FBXW7: variants seen among roughly 807,000 people sequenced by gnomAD.
FBXW7 encodes the protein F-box/WD repeat-containing protein 7.
Under a neutral mutation model 86.3 loss-of-function variants are expected in FBXW7, and 11 were observed. That is an observed-to-expected ratio of 0.13 (90% CI 0.08 to 0.21). The LOEUF is 0.21. FBXW7 is among the 10% of genes least tolerant of loss of function. The probability of loss-of-function intolerance (pLI) is 1.00; values close to 1 mark genes in which losing one functional copy is unlikely to be tolerated. For missense variants in FBXW7, 488 were observed against 847.4 expected (o/e 0.58, Z 5.27); for synonymous variants, 313 against 297.9 (o/e 1.05, Z -0.52).
intron 4 of FBXW7, among the ~76,000 whole-genome samples, chr4:152,380,581 C>T (rs1329837763): frequency 6.6e-6 from 1 of 151,704 alleles, no homozygotes; most frequent in African/African-American, 2.4e-5. Context: ...TAAATAGTGA[C>T]CCCAGAAAGC....
At chr4:152,519,418 A>T (rs1560994177) in intron 2 of FBXW7, among the ~76,000 whole-genome samples, 1 of 152,236 alleles carries the variant, frequency 6.6e-6, no homozygotes, top group Non-Finnish European at 1.5e-5. Flanking sequence ...GCTAAACCAT[A>T]GGTTTTCAAA....
chr4:152,343,240 G>A (rs1470976220), intron 6 of FBXW7, among the ~76,000 whole-genome samples: 5 of 152,008 alleles, frequency 3.3e-5, no homozygotes, highest in African/African-American at 7.2e-5. Flanking sequence ...AAAGCTAATG[G>A]CATCTGTGTA....
Position 152,384,234 on chromosome 4 carries a change from T to G in FBXW7, c.501+27069A>C, listed in dbSNP as rs148647735. On this transcript the variant is annotated intron_variant, in intron 4 of 13. Transcript: ENST00000281708. ...ACTTGAACAGATACCTGTATACACATGCTTATAGCAGCCTTATTAACAATA... is the reference window on the plus strand; with the variant it reads ...ACTTGAACAGATACCTGTATACACAGGCTTATAGCAGCCTTATTAACAATA... 5.3e-3 allele frequency among the ~76,000 whole-genome samples: 803 copies of G among 152,234 alleles called. 5 individuals carry two copies. The highest frequency in any genetic ancestry group is 8.9e-3 in the Non-Finnish European group (607 of 67,972).
intron 4 of FBXW7, among the ~76,000 whole-genome samples, chr4:152,397,095 C>A (rs1736481687): frequency 6.6e-6 from 1 of 151,650 alleles, no homozygotes; most frequent in Non-Finnish European, 1.5e-5. Flanking sequence ...TTCACATGAC[C>A]CTCTTTTATT....
chr4:152,362,224 G>A (rs901370992), intron 4 of FBXW7, among the ~76,000 whole-genome samples: 3 of 151,970 alleles, frequency 2.0e-5, no homozygotes, highest in African/African-American at 7.2e-5. Flanking sequence ...CTGCTACATG[G>A]TAAATTGAGA....
chr4:152,355,071 C>A (rs1260776170), intron 4 of FBXW7, among the ~76,000 whole-genome samples: 1 of 152,044 alleles, frequency 6.6e-6, no homozygotes, highest in Non-Finnish European at 1.5e-5. Flanking sequence ...GTCAACTAAG[C>A]TTCTAACTGA....
chr4:152,405,095 TA>T (rs11394424), intron 4 of FBXW7, among the ~76,000 whole-genome samples: 10 of 79,034 alleles, frequency 1.3e-4, no homozygotes, highest in African/African-American at 3.6e-4. Flanking sequence ...GACCTTGTCT[TA>T]AAAAAAAAAA....
At chr4:152,359,608 C>T (rs909750831) in intron 4 of FBXW7, among the ~76,000 whole-genome samples, 2 of 151,090 alleles carry the variant, frequency 1.3e-5, no homozygotes, top group Non-Finnish European at 3.0e-5. Context: ...CAAACAAAAA[C>T]TACCAAAAAC....
At chr4:152,495,071 C>T (rs1037382956) in intron 2 of FBXW7, among the ~76,000 whole-genome samples, 16 of 152,096 alleles carry the variant, frequency 1.1e-4, no homozygotes, top group Non-Finnish European at 1.8e-4. Flanking sequence ...CCAGTCCTAA[C>T]ACTGTATCAG....
intron 2 of FBXW7, among the ~76,000 whole-genome samples, chr4:152,454,262 C>CTT (rs35734380): frequency 4.4e-5 from 5 of 113,720 alleles, no homozygotes; most frequent in Non-Finnish European, 7.2e-5. Flanking sequence ...CCCCCCCCCC[C>CTT]TTTTTTTTTT....
At chr4:152,388,684 T>C (rs1269952829) in intron 4 of FBXW7, among the ~76,000 whole-genome samples, 9 of 152,190 alleles carry the variant, frequency 5.9e-5, no homozygotes, top group Admixed American at 5.9e-4. Context: ...CCTTAACTAT[T>C]TAATGTCTTG....
chr4:152,362,514 T>G (rs1560806074), intron 4 of FBXW7, among the ~76,000 whole-genome samples: 1 of 152,040 alleles, frequency 6.6e-6, no homozygotes, highest in East Asian at 1.9e-4. Flanking sequence ...CTTAGCATAT[T>G]AAAAAAGAAC....
chr4:152,486,552 C>A (rs560049152), intron 2 of FBXW7, among the ~76,000 whole-genome samples: 1 of 152,252 alleles, frequency 6.6e-6, no homozygotes, highest in East Asian at 1.9e-4. Context: ...GGGTCAGGAT[C>A]ATCAGTATCA....
At chr4:152,361,268 C>A (rs1344380046) in intron 4 of FBXW7, among the ~76,000 whole-genome samples, 1 of 151,810 alleles carries the variant, frequency 6.6e-6, no homozygotes, top group Non-Finnish European at 1.5e-5. Flanking sequence ...GTAATCAGGC[C>A]CCCACTACAT....
At chr4:152,367,064 G>A (rs1454849978) in intron 4 of FBXW7, among the ~76,000 whole-genome samples, 1 of 152,078 alleles carries the variant, frequency 6.6e-6, no homozygotes, top group Non-Finnish European at 1.5e-5. Context: ...CTCATAGGTG[G>A]GAATTGAACA....
chr4:152,530,873 T>G (rs1368662149), intron 2 of FBXW7: 1 of 152,242 alleles, frequency 6.6e-6, no homozygotes, highest in African/African-American at 2.4e-5. Context: ...AATTGAAAGT[T>G]GTGACAGATC....
At chr4:152,446,107 C>T (rs896188484) in intron 2 of FBXW7, among the ~76,000 whole-genome samples, 1 of 151,986 alleles carries the variant, frequency 6.6e-6, no homozygotes, top group Admixed American at 6.6e-5. Context: ...AACGTGTTTA[C>T]TAAAAAATAT....
chr4:152,432,719 G>T, intron 2 of FBXW7, among the ~76,000 whole-genome samples: 1 of 152,188 alleles, frequency 6.6e-6, no homozygotes. Context: ...GGCTGAGGCA[G>T]GAGAATCACT....
intron 4 of FBXW7, among the ~76,000 whole-genome samples, chr4:152,372,976 G>A (rs1259821194): frequency 6.6e-6 from 1 of 151,920 alleles, no homozygotes; most frequent in African/African-American, 2.4e-5. Flanking sequence ...TCAGTAATTA[G>A]ATATTGAGAC....
Sources: allele counts gnomAD v4.1 joint callset (sites outside exome capture counted in the v4.1 genomes callset), GRCh38; gene constraint gnomAD v4.1.1; transcripts MANE v1.5; gene names NCBI Gene and HGNC (gene_info 2026-07-23, HGNC 2026-07-21).